Variants in TRIM49 observed in about 807,000 individuals in gnomAD.
TRIM49 encodes the protein tripartite motif containing 49.
Under a neutral mutation model 27.4 loss-of-function variants are expected in TRIM49, and 5 were observed. The ratio of observed to expected loss-of-function variants is 0.18; its 90% CI spans 0.10 to 0.38. The LOEUF is 0.38. TRIM49 is among the 10% of genes least tolerant of loss of function. The probability of loss-of-function intolerance (pLI) is 1.00; values close to 1 mark genes in which losing one functional copy is unlikely to be tolerated. For synonymous variants in TRIM49, 69 were observed against 166.0 expected (o/e 0.42, Z 4.49); for missense variants, 188 against 487.5 (o/e 0.39, Z 5.79).
At chr11:89,794,425 G>T (rs1378417631), downstream of TRIM49, among the ~76,000 whole-genome samples, 2 of 150,170 alleles carry the variant, frequency 1.3e-5, no homozygotes, top group Non-Finnish European at 3.0e-5. Flanking sequence ...AGCCCTCACA[G>T]CCAAGTCAAT....
chr11:89,808,388 T>C (rs1591517081), intron 1 of TRIM49, 49 bp downstream of exon 1: 1 of 149,884 alleles, frequency 6.7e-6, no homozygotes, highest in African/African-American at 2.5e-5. Flanking sequence ...AAGATATATG[T>C]ATAGTTAGGG....
At chr11:89,794,345 T>C (rs1434027442), downstream of TRIM49, among the ~76,000 whole-genome samples, 1 of 122,170 alleles carries the variant, frequency 8.2e-6, no homozygotes, top group East Asian at 2.9e-4. Context: ...GCCATCCCCA[T>C]CAAGCTACCA....
rs550759713 is a variant in TRIM49, at chr11:89,803,808, T to C, written c.412-15A>G. 8.2e-7 allele frequency: 1 copy of C among 1,218,042 alleles called. No homozygotes were observed. Among genetic ancestry groups the C allele is most frequent in the East Asian group, 2.5e-5 (1 of 39,282 alleles). The allele number at this position is 1,218,042 out of a possible 1,614,324, so 75.5% of individuals were successfully genotyped here. On this transcript the variant is annotated splice_polypyrimidine_tract_variant and intron_variant, in intron 3 of 7. Coordinates refer to ENST00000329758, the MANE Select transcript of TRIM49 (RefSeq NM_020358.2). ...AAAAGCTTCTCCTGCAAAAGAGCCA[T>C]AAATTGAAGCACCAGTGCAGACCAT...
intron 6 of TRIM49, among the ~76,000 whole-genome samples, chr11:89,800,267 A>G (rs1477012881): frequency 6.6e-6 from 1 of 151,410 alleles, no homozygotes; most frequent in Non-Finnish European, 1.5e-5. Context: ...AACACTCCAC[A>G]GTTTTTTTCA....
chr11:89,798,588 A>G lies in TRIM49; in HGVS notation c.901T>C (p.Phe301Leu), dbSNP rs1244946425. ...ATGCTTCTCAAAATTTCATACAGAA[A>G]GATATCATTGTTGGCTTCTTCATGA... ...LHHEEANNDI[F>L]LYEILRSMCI... The change falls in exon 8 of 8, where the codon TTT (phenylalanine) becomes CTT (leucine). Residue 301 changes from phenylalanine (F) to leucine (L), a missense_variant. Coordinates refer to ENST00000329758, the MANE Select transcript of TRIM49 (RefSeq NM_020358.2). 6.5e-7 allele frequency: 1 copy of G among 1,548,890 alleles called. No homozygotes were observed. Among genetic ancestry groups the G allele is most frequent in the Non-Finnish European group, 8.7e-7 (1 of 1,153,870 alleles).
intron 2 of TRIM49, among the ~76,000 whole-genome samples, chr11:89,804,818 A>G (rs546400639): frequency 4.0e-5 from 6 of 151,498 alleles, no homozygotes; most frequent in African/African-American, 7.3e-5. Context: ...TTCTTCTTTC[A>G]ATAACTGATG....
chr11:89,793,040 C>A (rs1422718614), downstream of TRIM49, among the ~76,000 whole-genome samples: 10 of 151,978 alleles, frequency 6.6e-5, 1 homozygote, highest in African/African-American at 1.9e-4. Context: ...CAAATAGATG[C>A]AATAAAAAAT....
the TRIM49 span, chr11:89,768,082 A>T: frequency 3.2e-6 from 2 of 616,276 alleles, no homozygotes; most frequent in Admixed American, 2.4e-5. Flanking sequence ...CTATTCACAG[A>T]CTATTCTCTT....
chr11:89,791,417 G>C, the TRIM49 span, among the ~76,000 whole-genome samples: 95 of 151,604 alleles, frequency 6.3e-4, no homozygotes, highest in Admixed American at 6.2e-3. Context: ...TCCTCAAGAA[G>C]AGCAACTCCC....
intron 1 of TRIM49, among the ~76,000 whole-genome samples, chr11:89,808,203 T>C (rs915173682): frequency 3.1e-5 from 4 of 129,916 alleles, no homozygotes; most frequent in Admixed American, 2.2e-4. Flanking sequence ...TTTGTTGTTA[T>C]ATGAAAATTA....
At chr11:89,783,876 G>A in the TRIM49 span, among the ~76,000 whole-genome samples, 1 of 143,214 alleles carries the variant, frequency 7.0e-6, no homozygotes, top group Non-Finnish European at 1.5e-5. Context: ...GAAGAAAACT[G>A]ACATCTTCAA....
At chr11:89,770,640 A>G in the TRIM49 span, among the ~76,000 whole-genome samples, 1 of 141,874 alleles carries the variant, frequency 7.0e-6, no homozygotes, top group African/African-American at 2.9e-5. Flanking sequence ...TGGGCGGATC[A>G]CGACGTCAGG....
At chr11:89,794,004 A>C (rs557049991), downstream of TRIM49, among the ~76,000 whole-genome samples, 52 of 146,028 alleles carry the variant, frequency 3.6e-4, no homozygotes, top group African/African-American at 1.2e-3. Flanking sequence ...GTCTCAGCCC[A>C]AAATCTCCTT....
chr11:89,772,395 CATGGTGTTCAAGGGTCAACTCTAGGTTT>C, the TRIM49 span, among the ~76,000 whole-genome samples: 2 of 128,986 alleles, frequency 1.6e-5, no homozygotes, highest in Non-Finnish European at 1.5e-5. Context: ...CCCCAACCAC[CATGGTGTTCAAGGGTCAACTCTAGGTTT>C]ATTAAATATT....
downstream of TRIM49, among the ~76,000 whole-genome samples, chr11:89,794,650 T>G (rs1410554766): frequency 6.8e-6 from 1 of 146,306 alleles, no homozygotes; most frequent in African/African-American, 2.5e-5. Flanking sequence ...GGATTCCCTA[T>G]TTAATAAATG....
chr11:89,782,043 A>G, the TRIM49 span: 3 of 1,529,236 alleles, frequency 2.0e-6, no homozygotes, highest in East Asian at 2.6e-5. Context: ...ACCTCCGGCA[A>G]GCATTACTGG....
At chr11:89,770,162 T>C in the TRIM49 span, among the ~76,000 whole-genome samples, 1 of 112,972 alleles carries the variant, frequency 8.9e-6, no homozygotes, top group Admixed American at 8.1e-5. Flanking sequence ...CACTTGTCTC[T>C]GGTCTCCATA....
chr11:89,806,185 A>G (rs982309714), intron 2 of TRIM49, among the ~76,000 whole-genome samples: 1 of 150,536 alleles, frequency 6.6e-6, no homozygotes, highest in Non-Finnish European at 1.5e-5. Flanking sequence ...CACAATGATA[A>G]CTATTTGTGT....
the TRIM49 span, among the ~76,000 whole-genome samples, chr11:89,791,125 C>A: frequency 6.6e-6 from 1 of 150,834 alleles, no homozygotes; most frequent in South Asian, 2.1e-4. Flanking sequence ...CTGATTCGAT[C>A]AACTGGAAGA....
Sources: gnomAD v4.1 joint callset for allele counts (sites outside exome capture counted in the v4.1 genomes callset) on GRCh38, gnomAD v4.1.1 for gene constraint, MANE v1.5 for transcripts, NCBI Gene and HGNC (gene_info 2026-07-23, HGNC 2026-07-21) for gene names.